Variants in IQUB observed in about 807,000 individuals in gnomAD.
IQUB encodes IQ motif and ubiquitin-like domain-containing protein.
Under a neutral mutation model 86.4 loss-of-function variants are expected in IQUB, and 86 were observed. The observed-to-expected ratio is 1.00, with a 90% CI of 0.84 to 1.19. IQUB has a LOEUF of 1.19. Among genes scored for constraint, IQUB ranks in the 50% most tolerant of loss-of-function variants. The pLI is 0.00. For synonymous variants in IQUB, 289 were observed against 304.5 expected (o/e 0.95, Z 0.53); for missense variants, 946 against 916.9 (o/e 1.03, Z -0.41).
chr7:123,476,446 T>C (rs1052059720), intron 8 of IQUB, among the ~76,000 whole-genome samples: 1 of 152,020 alleles, frequency 6.6e-6, no homozygotes, highest in African/African-American at 2.4e-5. Flanking sequence ...AGTGTGGGTA[T>C]AGTATTCAGG....
chr7:123,453,216 G>A (rs1793519496), intron 12 of IQUB, among the ~76,000 whole-genome samples: 2 of 149,116 alleles, frequency 1.3e-5, no homozygotes, highest in Admixed American at 1.3e-4. Flanking sequence ...AGGGTGTGAT[G>A]TGTCTAGCTT....
chr7:123,489,158 C>T (rs1795348429), intron 7 of IQUB, among the ~76,000 whole-genome samples: 1 of 152,138 alleles, frequency 6.6e-6, no homozygotes, highest in African/African-American at 2.4e-5. Context: ...CATGAGAAAA[C>T]ATTCTGGGGC....
chr7:123,469,108 A>C (rs981094369), intron 9 of IQUB, 106 bp downstream of exon 9: 44 of 815,068 alleles, frequency 5.4e-5, no homozygotes, highest in African/African-American at 7.1e-5. Context: ...CCCAAATTAT[A>C]CCAAAACAAT....
rs1267161157 is a variant in IQUB at position 123,468,637 on chromosome 7, A to G, written c.1581+577T>C. 5.3e-5 allele frequency among the ~76,000 whole-genome samples: 8 copies of G among 152,328 alleles called. No individual in the cohort carries two copies. The East Asian group carries it at 1.5e-3, about 29-fold the overall frequency. ...ATTCCCCGTGACACTGGCTGAAGTC[A>G]TTGTTCAGAATCCACCACAATTTAA... On this transcript the variant is annotated intron_variant, in intron 9 of 12. Transcript: ENST00000324698.
At chr7:123,495,486 T>C (rs905476912) in intron 7 of IQUB, among the ~76,000 whole-genome samples, 1 of 152,034 alleles carries the variant, frequency 6.6e-6, no homozygotes, top group Non-Finnish European at 1.5e-5. Context: ...AAAAATAGTA[T>C]GTAATGAAAC....
intron 1 of IQUB, among the ~76,000 whole-genome samples, chr7:123,521,446 C>T (rs1440767162): frequency 2.6e-5 from 4 of 152,094 alleles, no homozygotes; most frequent in Non-Finnish European, 4.4e-5. Context: ...AATTCAATAC[C>T]AGCCTGGGCA....
chr7:123,464,479 A>C (rs945890298), intron 10 of IQUB, among the ~76,000 whole-genome samples: 2 of 151,882 alleles, frequency 1.3e-5, no homozygotes, highest in African/African-American at 4.8e-5. Context: ...AGTCTTAGAA[A>C]ATGAACAGGA....
At chr7:123,528,297 CTGT>C (rs1299485480) in intron 1 of IQUB, among the ~76,000 whole-genome samples, 3 of 152,210 alleles carry the variant, frequency 2.0e-5, no homozygotes, top group African/African-American at 7.2e-5. Context: ...ACGCTGGGAG[CTGT>C]TGACCAGAGC....
intron 6 of IQUB, among the ~76,000 whole-genome samples, chr7:123,497,438 T>G (rs140961274): frequency 3.6e-4 from 55 of 152,240 alleles, no homozygotes; most frequent in African/African-American, 1.3e-3. Context: ...CAGGTAGGTA[T>G]GTGTGGAAAC....
intron 6 of IQUB, among the ~76,000 whole-genome samples, chr7:123,497,916 CA>C (rs1025381984): frequency 6.6e-6 from 1 of 151,534 alleles, no homozygotes; most frequent in Non-Finnish European, 1.5e-5. Context: ...GCTCTAAGCC[CA>C]AAACTGATGG....
intron 7 of IQUB, among the ~76,000 whole-genome samples, chr7:123,486,570 T>A (rs936911615): frequency 1.3e-5 from 2 of 152,170 alleles, no homozygotes; most frequent in African/African-American, 4.8e-5. Context: ...TTAGTAAATA[T>A]TTATTAAATA....
At chr7:123,465,125 T>C (rs953524352) in intron 9 of IQUB, 116 bp from the exon 10 acceptor site, 12 of 679,280 alleles carry the variant, frequency 1.8e-5, no homozygotes, top group South Asian at 5.6e-5. Flanking sequence ...ACATTGTCAA[T>C]AGGAGTATAA....
chr7:123,482,790 C>T (rs577720647), intron 7 of IQUB, among the ~76,000 whole-genome samples: 1 of 152,152 alleles, frequency 6.6e-6, no homozygotes, highest in East Asian at 1.9e-4. Context: ...GGGTACTTTG[C>T]CCATTCTTCA....
rs751601135 is a variant in IQUB, at chr7:123,512,093, A to C, written c.248T>G (p.Ile83Arg). Residue 83 changes from isoleucine (I) to arginine (R), a missense_variant, in exon 2 of 13, where the codon ATA (isoleucine) becomes AGA (arginine). Coordinates refer to ENST00000324698, the MANE Select transcript of IQUB (RefSeq NM_178827.5). Reference protein sequence around the residue: ...PDNEQLMEEVISPRQVSYTPQ... With the variant: ...PDNEQLMEEVRSPRQVSYTPQ... ...AGTATATGAAACTTGTCTTGGTGAT[A>C]TAACCTCTTCCATGAGTTGTTCATT... 22 of 1,613,968 alleles carry C rather than the reference A, an allele frequency of 1.4e-5. No homozygotes were observed. The highest frequency in any genetic ancestry group is 1.9e-5 in the Non-Finnish European group (22 of 1,179,996).
intron 8 of IQUB, among the ~76,000 whole-genome samples, chr7:123,476,751 G>C (rs1267543676): frequency 1.3e-5 from 2 of 151,398 alleles, no homozygotes; most frequent in African/African-American, 4.9e-5. Flanking sequence ...AGGGGAGATA[G>C]GAAGGCCTAT....
intron 1 of IQUB, among the ~76,000 whole-genome samples, chr7:123,527,529 A>G (rs1324090050): frequency 2.6e-5 from 4 of 152,038 alleles, no homozygotes; most frequent in Admixed American, 6.6e-5. Context: ...GTTTTCCTTC[A>G]AACAGACAGG....
At chr7:123,496,939 C>T (rs1289966017) in intron 6 of IQUB, 33 bp from the exon 7 acceptor site, 1 of 1,389,530 alleles carries the variant, frequency 7.2e-7, no homozygotes, top group Non-Finnish European at 9.9e-7. Flanking sequence ...TAGAAAGTGC[C>T]TATCATCAAC....
At chr7:123,520,872 T>C (rs567692729) in intron 1 of IQUB, among the ~76,000 whole-genome samples, 2 of 152,200 alleles carry the variant, frequency 1.3e-5, no homozygotes, top group African/African-American at 4.8e-5. Flanking sequence ...ATGAACTAAA[T>C]GTGGGCTATG....
intron 10 of IQUB, among the ~76,000 whole-genome samples, chr7:123,463,031 A>G (rs1794074626): frequency 6.6e-6 from 1 of 151,756 alleles, no homozygotes; most frequent in Admixed American, 6.6e-5. Context: ...ATTCCTTTTT[A>G]AAGCCAGTAA....
Sources: gnomAD v4.1 joint callset for allele counts (sites outside exome capture counted in the v4.1 genomes callset) on GRCh38, gnomAD v4.1.1 for gene constraint, MANE v1.5 for transcripts, NCBI Gene and HGNC (gene_info 2026-07-23, HGNC 2026-07-21) for gene names.